Variants in INPP4B observed in about 807,000 individuals in gnomAD.
The protein encoded by INPP4B is inositol polyphosphate 4-phosphatase type II.
Under a neutral mutation model 122.5 loss-of-function variants are expected in INPP4B, and 55 were observed. The ratio of observed to expected loss-of-function variants is 0.45; its 90% CI spans 0.36 to 0.56. The LOEUF (loss-of-function observed/expected upper bound fraction) is 0.56, where lower values mean the gene tolerates loss of function less well. Ranked by LOEUF, INPP4B falls within the 20% of genes least tolerant of loss-of-function variation. The pLI is 0.00. For missense variants in INPP4B, 1,000 were observed against 1,097.7 expected, an observed-to-expected ratio of 0.91 and a Z score of 1.26; for synonymous variants, 403 against 388.7, an observed-to-expected ratio of 1.04 and a Z score of -0.43.
At chr4:142,533,178 T>A (rs1386431719) in intron 2 of INPP4B, among the ~76,000 whole-genome samples, 4 of 152,180 alleles carry the variant, frequency 2.6e-5, no homozygotes, top group Non-Finnish European at 5.9e-5. Flanking sequence ...AAATATATCA[T>A]CAGTCTCACA....
At chr4:142,401,968 A>T (rs1431412674) in intron 7 of INPP4B, among the ~76,000 whole-genome samples, 2 of 152,230 alleles carry the variant, frequency 1.3e-5, no homozygotes, top group South Asian at 4.1e-4. Flanking sequence ...CCACTATTAG[A>T]CTAAGTTTTG....
intron 7 of INPP4B, among the ~76,000 whole-genome samples, chr4:142,355,556 C>T (rs751558494): frequency 3.3e-5 from 5 of 151,972 alleles, no homozygotes; most frequent in Non-Finnish European, 7.4e-5. Context: ...AAAAAGTAGG[C>T]ACAGGCATGT....
intron 9 of INPP4B, among the ~76,000 whole-genome samples, chr4:142,276,912 C>G (rs1252530777): frequency 2.0e-5 from 3 of 151,890 alleles, no homozygotes; most frequent in Non-Finnish European, 2.9e-5. Flanking sequence ...TATAAACCAG[C>G]TCTAGCTCCT....
At position 142,809,307 on chromosome 4, in the gene INPP4B, G is replaced by A. The variant is rs145638782; in HGVS notation, c.-254+36902C>T. Among the ~76,000 whole-genome samples, 8 of 152,114 alleles carry A rather than the reference G, an allele frequency of 5.3e-5. No individual in the cohort carries two copies. In the East Asian group the frequency reaches 5.8e-4, roughly 11 times the overall value. On this transcript the variant is annotated intron_variant, in intron 1 of 25. Coordinates refer to ENST00000262992, the MANE Select transcript of INPP4B (RefSeq NM_001101669.3). ...TCATTGATGTAATATAAGAAAAGACGTTAAGAGGACTAAATAGCAGTGCTA... is the reference window on the plus strand; with the variant it reads ...TCATTGATGTAATATAAGAAAAGACATTAAGAGGACTAAATAGCAGTGCTA...
intron 12 of INPP4B, among the ~76,000 whole-genome samples, chr4:142,232,356 T>G (rs562171106): frequency 6.6e-6 from 1 of 152,194 alleles, no homozygotes; most frequent in Non-Finnish European, 1.5e-5. Flanking sequence ...ACTTCCTATC[T>G]CTGTGTCACA....
chr4:142,185,411 T>TAC, intron 15 of INPP4B, among the ~76,000 whole-genome samples: 1 of 151,488 alleles, frequency 6.6e-6, no homozygotes, highest in Admixed American at 6.6e-5. Flanking sequence ...TATATATATA[T>TAC]ATATATATCT....
chr4:142,144,512 A>G (rs530515284), intron 18 of INPP4B, among the ~76,000 whole-genome samples: 1 of 152,222 alleles, frequency 6.6e-6, no homozygotes, highest in East Asian at 1.9e-4. Flanking sequence ...AAATTGAAGT[A>G]TGCTATTTCT....
chr4:142,720,451 T>C (rs1764376642), intron 2 of INPP4B, among the ~76,000 whole-genome samples: 1 of 152,012 alleles, frequency 6.6e-6, no homozygotes, highest in African/African-American at 2.4e-5. Flanking sequence ...TTTCCCAATG[T>C]ACCAGAATAT....
At chr4:142,349,812 A>C (rs1434797522) in intron 7 of INPP4B, among the ~76,000 whole-genome samples, 1 of 151,732 alleles carries the variant, frequency 6.6e-6, no homozygotes, top group Non-Finnish European at 1.5e-5. Context: ...TGTCAGCTAT[A>C]GTTTTTAAAA....
chr4:142,476,233 A>C (rs975255215), intron 2 of INPP4B, among the ~76,000 whole-genome samples: 1 of 152,192 alleles, frequency 6.6e-6, no homozygotes, highest in Non-Finnish European at 1.5e-5. Flanking sequence ...TATTTAGCCA[A>C]ACTAAGCTTC....
chr4:142,485,302 C>G (rs1284922891), intron 2 of INPP4B, among the ~76,000 whole-genome samples: 1 of 151,954 alleles, frequency 6.6e-6, no homozygotes, highest in Non-Finnish European at 1.5e-5. Context: ...AAAGACCAAC[C>G]AACCAACCTT....
At position 142,559,015 on chromosome 4, in the gene INPP4B, C is replaced by T. The variant is rs556084895; in HGVS notation, c.-190-96289G>A. ...GTTAGAACGCTGCGAAGCCCAACTT[C>T]TCCATGCAGCCAAAAGTGGAGAACT... On this transcript the variant is annotated intron_variant, in intron 2 of 25. Coordinates refer to ENST00000262992, the MANE Select transcript of INPP4B (RefSeq NM_001101669.3). 2.0e-5 allele frequency among the ~76,000 whole-genome samples: 3 copies of T among 152,166 alleles called. No homozygotes were observed. The South Asian group carries it at 6.2e-4, about 32-fold the overall frequency.
At chr4:142,596,443 T>C (rs1313638120) in intron 2 of INPP4B, among the ~76,000 whole-genome samples, 1 of 152,126 alleles carries the variant, frequency 6.6e-6, no homozygotes, top group Non-Finnish European at 1.5e-5. Context: ...CAATTTGTCC[T>C]AGCAAAGATC....
intron 21 of INPP4B, among the ~76,000 whole-genome samples, chr4:142,117,714 T>A (rs1017169943): frequency 1.3e-5 from 2 of 150,712 alleles, no homozygotes; most frequent in Admixed American, 6.6e-5. Context: ...TCATACTGAA[T>A]AGGCAAAAAC....
intron 2 of INPP4B, among the ~76,000 whole-genome samples, chr4:142,469,890 G>A (rs1818499696): frequency 6.6e-6 from 1 of 152,076 alleles, no homozygotes; most frequent in Non-Finnish European, 1.5e-5. Context: ...GTATAATAAA[G>A]TGAGCACCAC....
intron 3 of INPP4B, among the ~76,000 whole-genome samples, chr4:142,460,007 A>G (rs1365744498): frequency 1.3e-5 from 2 of 152,166 alleles, no homozygotes; most frequent in Non-Finnish European, 1.5e-5. Context: ...TGTATTTGCA[A>G]TATTGTCTTA....
chr4:142,645,545 G>A (rs1470786637), intron 2 of INPP4B, among the ~76,000 whole-genome samples: 2 of 152,148 alleles, frequency 1.3e-5, no homozygotes, highest in Non-Finnish European at 2.9e-5. Flanking sequence ...TGCAACTTCT[G>A]TGCTATCCAC....
At chr4:142,496,251 T>C (rs1229918496) in intron 2 of INPP4B, among the ~76,000 whole-genome samples, 1 of 152,164 alleles carries the variant, frequency 6.6e-6, no homozygotes, top group African/African-American at 2.4e-5. Context: ...ATCTATCTTT[T>C]GCATGTTCAT....
intron 2 of INPP4B, among the ~76,000 whole-genome samples, chr4:142,697,169 T>C (rs1410566449): frequency 1.3e-5 from 2 of 152,202 alleles, no homozygotes; most frequent in Non-Finnish European, 2.9e-5. Context: ...TGCTTCATAT[T>C]TTCCAGGAAA....
Sources: allele counts gnomAD v4.1 joint callset (sites outside exome capture counted in the v4.1 genomes callset), GRCh38; gene constraint gnomAD v4.1.1; transcripts MANE v1.5; gene names NCBI Gene and HGNC (gene_info 2026-07-23, HGNC 2026-07-21).